MITD1: variants seen among roughly 807,000 people sequenced by gnomAD.
MITD1 encodes MIT domain-containing protein 1.
In MITD1, 24 loss-of-function variants were observed where a neutral mutation model predicts 34.9. The observed-to-expected ratio is 0.69, with a 90% CI of 0.50 to 0.97. The LOEUF (loss-of-function observed/expected upper bound fraction) is 0.97. Ranked by LOEUF, MITD1 falls within the 50% of genes least tolerant of loss-of-function variation. The probability of loss-of-function intolerance (pLI) is 0.00; values close to 1 mark genes in which losing one functional copy is unlikely to be tolerated. For synonymous variants in MITD1, 102 were observed against 101.4 expected, an observed-to-expected ratio of 1.01 and a Z score of -0.04; for missense variants, 266 against 294.6, an observed-to-expected ratio of 0.90 and a Z score of 0.71.
intron 1 of MITD1, among the ~76,000 whole-genome samples, chr2:99,179,139 G>A (rs897305625): frequency 1.3e-5 from 2 of 152,110 alleles, no homozygotes; most frequent in African/African-American, 4.8e-5. Flanking sequence ...ACCCATCTAT[G>A]TGACATCATT....
rs748029718 is a variant in MITD1 at position 99,171,564 on chromosome 2, A to G, written c.336T>C (p.Asn112=). ...CTATCCAAACTTCTGTAACTGTCTC[A>G]TTAAGGTATTCGCGAAAAAGTGACT... The part of the protein sequence containing the change: ...SYESLFREYL[N]ETVTEVWIED... The change falls in exon 3 of 7, where the codon AAT becomes AAC. Residue 112 remains asparagine, a synonymous_variant. Coordinates refer to ENST00000289359, the MANE Select transcript of MITD1 (RefSeq NM_138798.3). 1.7e-5 allele frequency: 27 copies of G among 1,612,582 alleles called. No homozygotes were observed. Among genetic ancestry groups the G allele is most frequent in the Admixed American group, 5.0e-5 (3 of 59,990 alleles).
At chr2:99,162,481 A>G in intron 7 of MITD1, 3 of 1,614,142 alleles carry the variant, frequency 1.9e-6, no homozygotes, top group Non-Finnish European at 2.5e-6. Context: ...ACTACTGCCT[A>G]TCACCATTGC....
At chr2:99,165,808 A>G (rs149227164), downstream of MITD1, among the ~76,000 whole-genome samples, 3 of 152,296 alleles carry the variant, frequency 2.0e-5, no homozygotes, top group Non-Finnish European at 4.4e-5. Context: ...CAACTGCTCC[A>G]TATTTTGAAT....
At chr2:99,161,804 A>G (rs2093795013), downstream of MITD1, 1 of 561,598 alleles carries the variant, frequency 1.8e-6, no homozygotes, top group Non-Finnish European at 3.1e-6. Flanking sequence ...TGGTTATAGC[A>G]TTGCTAAAGA....
At chr2:99,166,883 AT>A (rs1559174808), downstream of MITD1, among the ~76,000 whole-genome samples, 476 of 143,114 alleles carry the variant, frequency 3.3e-3, 3 homozygotes, top group African/African-American at 0.011. Flanking sequence ...ATATATATAT[AT>A]ATATATATAT....
Position 99,180,595 on chromosome 2 carries a change from T to G in MITD1, c.151+236A>C, listed in dbSNP as rs1279803535. On this transcript the variant is annotated intron_variant, in intron 1 of 6. Coordinates refer to ENST00000289359, the MANE Select transcript of MITD1 (RefSeq NM_138798.3). ...ATATTACATTGCGTTATATCTTATA[T>G]CTCTTAAGTCTTTTAAAATCTAGAC... 6 of 407,686 alleles carry G rather than the reference T, an allele frequency of 1.5e-5. No individual in the cohort carries two copies. The East Asian group carries it at 2.5e-4, about 17-fold the overall frequency. 25.3% of individuals were successfully genotyped at this position (407,686 alleles called of 1,614,324 possible).
At chr2:99,162,289 G>A (rs773258068) in intron 7 of MITD1, 1 of 1,610,554 alleles carries the variant, frequency 6.2e-7, no homozygotes, top group Non-Finnish European at 8.5e-7. Context: ...CATGATATGG[G>A]TAATATCAAT....
At chr2:99,174,736 G>A (rs1298840884) in intron 1 of MITD1, among the ~76,000 whole-genome samples, 4 of 152,210 alleles carry the variant, frequency 2.6e-5, no homozygotes, top group African/African-American at 9.6e-5. Flanking sequence ...GACTACAGGC[G>A]CCCACCACTA....
downstream of MITD1, chr2:99,161,898 A>G (rs2093795957): frequency 7.1e-7 from 1 of 1,401,680 alleles, no homozygotes; most frequent in African/African-American, 1.4e-5. Context: ...TAGTTAGAAA[A>G]TAGAATTTAA....
chr2:99,177,360 G>C (rs2093893891), intron 1 of MITD1, among the ~76,000 whole-genome samples: 1 of 151,862 alleles, frequency 6.6e-6, no homozygotes, highest in African/African-American at 2.4e-5. Context: ...CTTAATACTG[G>C]TATCATCTCC....
chr2:99,166,948 T>A (rs2093830411), downstream of MITD1, among the ~76,000 whole-genome samples: 1 of 149,198 alleles, frequency 6.7e-6, no homozygotes, highest in Non-Finnish European at 1.5e-5. Flanking sequence ...TTGTATGGTG[T>A]CAACATCATT....
rs2093910372 is a variant in MITD1, at chr2:99,180,327, TG to T, written c.151+503del. On this transcript the variant is annotated intron_variant, in intron 1 of 6. Transcript: ENST00000289359. ...CCGAAATTTTTAAAATTAGCATTTT[TG>T]CTCAAATAGAGCTTCGATTTTTAAG... 2.6e-5 allele frequency among the ~76,000 whole-genome samples: 4 copies of T among 152,250 alleles called. No homozygotes were observed. In the South Asian group the frequency reaches 8.3e-4, roughly 31 times the overall value.
Position 99,162,958 on chromosome 2 carries a change from G to T in MITD1, c.*4-740C>A, listed in dbSNP as rs1387426126. The stretch of plus-strand genomic sequence containing the variant: ...AAATTAAATTCAAGTCTTATTGGCA[G>T]TAAGTTTTGCCCAACTGAAACTACC... On this transcript the variant is annotated intron_variant, in intron 7 of 7. Transcript: ENST00000422537. 6.2e-6 allele frequency: 10 copies of T among 1,613,914 alleles called. No individual in the cohort carries two copies. In the East Asian group the frequency reaches 2.2e-4, roughly 36 times the overall value.
chr2:99,178,515 T>C (rs2093899137), intron 1 of MITD1, among the ~76,000 whole-genome samples: 1 of 152,152 alleles, frequency 6.6e-6, no homozygotes, highest in Non-Finnish European at 1.5e-5. Flanking sequence ...ACAATAAAAA[T>C]AAATTGGCAA....
Position 99,180,738 on chromosome 2 carries a change from G to GA in MITD1, c.151+92dup, listed in dbSNP as rs1421135966. 4.4e-6 allele frequency: 5 copies of GA among 1,126,696 alleles called. No individual in the cohort carries two copies. The African/African-American group carries it at 7.7e-5, about 17-fold the overall frequency. 69.8% of individuals were successfully genotyped at this position (1,126,696 alleles called of 1,614,324 possible). The stretch of plus-strand genomic sequence containing the variant: ...TATTTAACTGCTTCTTCGTGGTGTG[G>GA]AAAAATCATTTTTAACTCTTTCACT... On this transcript the variant is annotated intron_variant, in intron 1 of 6. Coordinates refer to ENST00000289359, the MANE Select transcript of MITD1 (RefSeq NM_138798.3).
chr2:99,166,364 G>T (rs1049677963), downstream of MITD1, among the ~76,000 whole-genome samples: 6 of 151,796 alleles, frequency 4.0e-5, no homozygotes, highest in Non-Finnish European at 8.8e-5. Flanking sequence ...GAGTTTAAAA[G>T]TGCCCATTGA....
Position 99,173,967 on chromosome 2 carries a change from T to A in MITD1, c.201A>T (p.Lys67Asn). 1 of 1,607,152 alleles carries A rather than the reference T, an allele frequency of 6.2e-7. No individual in the cohort carries two copies. The highest frequency in any genetic ancestry group is 8.5e-7 in the Non-Finnish European group (1 of 1,175,066). The change falls in exon 2 of 7, where the codon AAA becomes AAT. Residue 67 changes from lysine (K) to asparagine (N), a missense_variant. Lys to Asn is a moderately conservative substitution (Grantham distance 94). Transcript: ENST00000289359. ...KRCNLREKIS[K>N]YMDRAENIKK... ...TTATGTTTTCCGCTCTGTCCATGTA[T>A]TTGGAAATTTTTTCTCTGAGATTAC...
Position 99,171,353 on chromosome 2 carries a change from G to C in MITD1, c.467C>G (p.Ser156Cys). The C allele has an allele frequency of 6.2e-7, 1 of 1,609,976 alleles. No individual in the cohort carries two copies. The highest frequency in any genetic ancestry group is 8.5e-7 in the Non-Finnish European group (1 of 1,178,190). ...CKVKTIHLLT[S>C]LDEGIEQVQQ... ...CTTTCAGGTACCTACTTCATCCAGA[G>C]AGGTGAGAAGGTGAATAGTTTTTAC... The change falls in exon 4 of 7, where the codon TCT becomes TGT. Residue 156 changes from serine to cysteine, a missense_variant. Physicochemically the swap from Ser to Cys is moderately radical, Grantham distance 112. Coordinates refer to ENST00000289359, the MANE Select transcript of MITD1 (RefSeq NM_138798.3).
chr2:99,169,480 GAAGAA>G lies in MITD1; in HGVS notation c.655-15_655-11del, dbSNP rs777672536. 14 of 1,607,460 alleles carry G rather than the reference GAAGAA, an allele frequency of 8.7e-6. No individual in the cohort carries two copies. In the East Asian group the frequency reaches 1.1e-4, roughly 13 times the overall value. ...CAAGGGAAAAACGACTCTAAGAAGAGAAGAAAAGAGTATCATTAAAAATGATACAA... is the reference window on the plus strand; with the variant it reads ...CAAGGGAAAAACGACTCTAAGAAGAGAAGAGTATCATTAAAAATGATACAA... On this transcript the variant is annotated splice_polypyrimidine_tract_variant and intron_variant, in intron 6 of 6. Transcript: ENST00000289359.
Sources: gnomAD v4.1 joint callset for allele counts (sites outside exome capture counted in the v4.1 genomes callset) on GRCh38, gnomAD v4.1.1 for gene constraint, MANE v1.5 for transcripts, NCBI Gene and HGNC (gene_info 2026-07-23, HGNC 2026-07-21) for gene names.